Variants in NRG4 observed in about 807,000 individuals in gnomAD.
NRG4 encodes neuregulin 4, also known as pro-neuregulin-4, membrane-bound isoform.
Under a neutral mutation model 15.0 loss-of-function variants are expected in NRG4, and 10 were observed. The ratio of observed to expected loss-of-function variants is 0.67; its 90% CI spans 0.41 to 1.13. The LOEUF is 1.13. Among genes scored for constraint, NRG4 ranks in the 50% most tolerant of loss-of-function variants. The pLI is 0.00. For synonymous variants in NRG4, 41 were observed against 50.1 expected (o/e 0.82, Z 0.77); for missense variants, 139 against 140.2 (o/e 0.99, Z 0.04).
rs1017443725 is a variant in NRG4 at position 76,052,067 on chromosome 15, C to T, written c.-105G>A. On this transcript the variant is annotated splice_region_variant and 5_prime_UTR_variant, in exon 4 of 9. Coordinates refer to the NRG4 transcript ENST00000563910. ...AACATTAAAAAGAATGAATACTTAC[C>T]TGATCTGTCCTTGGATGAAAATTTT... The T allele has an allele frequency of 1.3e-5, 2 of 150,872 alleles. 1 individual carries two copies. The highest frequency in any genetic ancestry group is 1.3e-4 in the Admixed American group (2 of 15,214). 9.3% of individuals were successfully genotyped at this position (150,872 alleles called of 1,614,324 possible). A position where few individuals can be genotyped will look rare whatever the true frequency, so the allele number is the denominator to read the frequency against.
At chr15:76,009,339 T>C (rs776229774) in intron 2 of NRG4, 46 bp from the exon 3 acceptor site, 1 of 858,544 alleles carries the variant, frequency 1.2e-6, no homozygotes, top group Admixed American at 2.7e-5. Flanking sequence ...AATTAAAGTT[T>C]TCCTAATGCA....
intron 4 of NRG4, among the ~76,000 whole-genome samples, chr15:75,961,484 T>C (rs553879277): frequency 2.0e-5 from 3 of 152,318 alleles, no homozygotes; most frequent in African/African-American, 7.2e-5. Context: ...ACATGTACAG[T>C]ATTGCGTAAG....
At chr15:75,969,151 C>T (rs748617557) in intron 3 of NRG4, 196 of 455,950 alleles carry the variant, frequency 4.3e-4, no homozygotes, top group Non-Finnish European at 7.6e-4. Flanking sequence ...CAGGTCTCAA[C>T]AACCTTCTAA....
Position 75,992,737 on chromosome 15 carries a change from A to C in NRG4, c.104+16463T>G, listed in dbSNP as rs553683718. On this transcript the variant is annotated intron_variant, in intron 3 of 5. Coordinates refer to ENST00000394907, the MANE Select transcript of NRG4 (RefSeq NM_138573.4). ...TCTAATATGTAAATATGTGTAATACATTTAAAATGTGTAACAGAATTACAC... is the reference window on the plus strand; with the variant it reads ...TCTAATATGTAAATATGTGTAATACCTTTAAAATGTGTAACAGAATTACAC... 7.9e-5 allele frequency among the ~76,000 whole-genome samples: 12 copies of C among 152,264 alleles called. 1 individual carries two copies. The South Asian group carries it at 2.5e-3, about 32-fold the overall frequency.
chr15:76,048,855 G>A (rs2035933671), intron 4 of NRG4, among the ~76,000 whole-genome samples: 1 of 150,568 alleles, frequency 6.6e-6, no homozygotes, highest in Non-Finnish European at 1.5e-5. Flanking sequence ...GACCAGCCTG[G>A]CCAACATAGT....
intron 3 of NRG4, among the ~76,000 whole-genome samples, chr15:75,969,440 T>G (rs1259421760): frequency 6.6e-6 from 1 of 152,204 alleles, no homozygotes; most frequent in Non-Finnish European, 1.5e-5. Context: ...TATGCAGCAA[T>G]AAGAAGAAAA....
chr15:75,935,511 A>G (rs1423041062), downstream of NRG4: 2 of 151,940 alleles, frequency 1.3e-5, no homozygotes, highest in African/African-American at 4.8e-5. Context: ...TAAGCAAGGA[A>G]TATATTTCCA....
chr15:76,007,371 C>A (rs1272547864), intron 3 of NRG4, among the ~76,000 whole-genome samples: 1 of 151,282 alleles, frequency 6.6e-6, no homozygotes, highest in Non-Finnish European at 1.5e-5. Context: ...TATACCCATG[C>A]AGCCATCATC....
chr15:76,051,429 C>T (rs1207712438), intron 4 of NRG4, among the ~76,000 whole-genome samples: 7 of 150,908 alleles, frequency 4.6e-5, no homozygotes, highest in African/African-American at 1.7e-4. Context: ...GCGTGAGTCA[C>T]TGTGTTCAGC....
At chr15:76,011,968 A>G (rs2034827215) in intron 1 of NRG4, 1 of 152,162 alleles carries the variant, frequency 6.6e-6, no homozygotes, top group Non-Finnish European at 1.5e-5. Flanking sequence ...GCTATAACAG[A>G]AACAAAAGAA....
chr15:75,944,383 A>T (rs1165014594), intron 5 of NRG4, among the ~76,000 whole-genome samples: 1 of 152,206 alleles, frequency 6.6e-6, no homozygotes, highest in African/African-American at 2.4e-5. Flanking sequence ...TTGTGTTGTC[A>T]GCATTAGGGC....
exon 2 of NRG4, chr15:76,056,997 A>C (rs2036166647): frequency 6.6e-6 from 1 of 152,216 alleles, no homozygotes; most frequent in Non-Finnish European, 1.5e-5. Context: ...AACTACAGCC[A>C]CGTTAGAAAC....
downstream of NRG4, chr15:75,940,123 A>C (rs1030834685): frequency 4.0e-5 from 5 of 126,002 alleles, no homozygotes; most frequent in South Asian, 2.3e-4. Flanking sequence ...AAAAAAAAAA[A>C]ATAACTGTTA....
At chr15:75,972,798 G>GTA (rs1405181158) in intron 3 of NRG4, among the ~76,000 whole-genome samples, 1 of 152,166 alleles carries the variant, frequency 6.6e-6, no homozygotes, top group Non-Finnish European at 1.5e-5. Flanking sequence ...TTGAAGTCAG[G>GTA]TAGGGGGATG....
upstream of NRG4, among the ~76,000 whole-genome samples, chr15:76,017,316 A>G (rs1029517323): frequency 3.3e-5 from 5 of 151,988 alleles, no homozygotes; most frequent in African/African-American, 1.2e-4. Context: ...GTGTCTTTTA[A>G]TTGGGGCATT....
rs536422847 is a variant in NRG4 at position 76,041,614 on chromosome 15, C to T, written c.-104-5623G>A. ...GGTCATTATATAATAATGAAGGGTT[C>T]AATTCAGCAAGAGAATATAACAATT... On this transcript the variant is annotated intron_variant, in intron 4 of 8. Transcript: ENST00000563910. Among the ~76,000 whole-genome samples, 99 of 152,140 alleles carry T rather than the reference C, an allele frequency of 6.5e-4. 2 individuals are homozygous for T. Among genetic ancestry groups the T allele is most frequent in the South Asian group, 4.8e-3 (23 of 4,822 alleles).
rs10152491 is a variant in NRG4 at position 75,977,172 on chromosome 15, C to A, written c.105-15198G>T. On this transcript the variant is annotated intron_variant, in intron 3 of 5. Coordinates refer to ENST00000394907, the MANE Select transcript of NRG4 (RefSeq NM_138573.4). The surrounding 1 kb of genome is among the most constrained non-coding windows in gnomAD (Gnocchi z 4.9). ...CTCAAGCCTCCAGATGCCCCTCCCC[C>A]AACCAAGACTGAGCATCCCAGGTCG... is the stretch of plus-strand genomic sequence containing the variant. 0.019 allele frequency among the ~76,000 whole-genome samples: 2,863 copies of A among 152,252 alleles called. 105 individuals are homozygous for A. Among genetic ancestry groups the A allele is most frequent in the African/African-American group, 0.066 (2,739 of 41,542 alleles).
At chr15:76,058,245 C>T (rs1678723582) in intron 1 of NRG4, among the ~76,000 whole-genome samples, 1 of 152,316 alleles carries the variant, frequency 6.6e-6, no homozygotes, top group African/African-American at 2.4e-5. Flanking sequence ...TCTCCACTTT[C>T]TCTATTCTAG....
chr15:76,035,728 G>A (rs1049677888), intron 5 of NRG4, among the ~76,000 whole-genome samples: 1 of 152,052 alleles, frequency 6.6e-6, no homozygotes, highest in Admixed American at 6.6e-5. Context: ...CCTCAATTCT[G>A]AACCTACAGA....
Sources: gnomAD v4.1 joint callset for allele counts (sites outside exome capture counted in the v4.1 genomes callset) on GRCh38, gnomAD v4.1.1 for gene constraint, Gnocchi (gnomAD v3.1) non-coding constraint, MANE v1.5 for transcripts, NCBI Gene and HGNC (gene_info 2026-07-23, HGNC 2026-07-21) for gene names.